LYRM4: variants seen among roughly 807,000 people sequenced by gnomAD.
The protein encoded by LYRM4 is LYR motif containing 4.
Under a neutral mutation model 11.7 loss-of-function variants are expected in LYRM4, and 9 were observed. That is an observed-to-expected ratio of 0.77 (90% CI 0.46 to 1.34). The LOEUF is 1.34. Ranked by LOEUF, LYRM4 falls within the 40% of genes most tolerant of loss-of-function variation. The pLI, the probability that LYRM4 is intolerant of heterozygous loss-of-function variation, is 0.00. For synonymous variants in LYRM4, 42 were observed against 40.4 expected, an observed-to-expected ratio of 1.04 and a Z score of -0.15; for missense variants, 133 against 112.5, an observed-to-expected ratio of 1.18 and a Z score of -0.82.
At chr6:5,217,529 A>T (rs2127725023) in intron 1 of LYRM4, among the ~76,000 whole-genome samples, 2 of 152,366 alleles carry the variant, frequency 1.3e-5, no homozygotes, top group Admixed American at 1.3e-4. Flanking sequence ...TCAAAAAGGC[A>T]TAATACTGCT....
chr6:5,196,609 C>T (rs915409302), intron 2 of LYRM4, among the ~76,000 whole-genome samples: 1 of 152,198 alleles, frequency 6.6e-6, no homozygotes, highest in South Asian at 2.1e-4. Flanking sequence ...GAGCTGGGCA[C>T]AGCACACCAC....
chr6:5,206,549 C>T (rs1024472641), intron 2 of LYRM4, among the ~76,000 whole-genome samples: 2 of 152,126 alleles, frequency 1.3e-5, no homozygotes, highest in Non-Finnish European at 2.9e-5. Flanking sequence ...TCTTGGAAAC[C>T]AATATGCTCA....
intron 1 of LYRM4, among the ~76,000 whole-genome samples, chr6:5,257,796 T>C (rs944524982): frequency 1.3e-5 from 2 of 152,182 alleles, no homozygotes; most frequent in African/African-American, 2.4e-5. Flanking sequence ...ATGGAAAAAC[T>C]GTCTTCCATG....
the LYRM4 span, chr6:5,085,654 A>G: frequency 1.3e-6 from 2 of 1,548,598 alleles, no homozygotes; most frequent in African/African-American, 1.4e-5. Flanking sequence ...GCTAGGGGAT[A>G]GGCCCCTGTC....
intron 2 of LYRM4, among the ~76,000 whole-genome samples, chr6:5,127,375 G>A (rs1408522273): frequency 1.3e-5 from 2 of 152,142 alleles, no homozygotes; most frequent in Admixed American, 6.5e-5. Context: ...ATAAGCCACC[G>A]TGCCCGGCTG....
intron 2 of LYRM4, among the ~76,000 whole-genome samples, chr6:5,150,794 C>T (rs918172041): frequency 6.6e-6 from 1 of 152,192 alleles, no homozygotes; most frequent in Non-Finnish European, 1.5e-5. Flanking sequence ...TCTCTTGCAG[C>T]TTAGAGTCAC....
chr6:5,057,056 A>AT, the LYRM4 span, among the ~76,000 whole-genome samples: 9 of 152,322 alleles, frequency 5.9e-5, no homozygotes, highest in Admixed American at 5.2e-4. Flanking sequence ...TATCTAGGAT[A>AT]TTTTTAAGTG....
chr6:5,125,356 G>A (rs756111193), intron 2 of LYRM4, among the ~76,000 whole-genome samples: 5 of 152,134 alleles, frequency 3.3e-5, no homozygotes, highest in Non-Finnish European at 4.4e-5. Flanking sequence ...TGGTTGCCTC[G>A]ACATGGAACC....
At chr6:5,073,437 A>T in the LYRM4 span, among the ~76,000 whole-genome samples, 5 of 150,330 alleles carry the variant, frequency 3.3e-5, no homozygotes, top group Non-Finnish European at 7.4e-5. Flanking sequence ...AGAGGACTGC[A>T]GGTGGGTCAC....
intron 2 of LYRM4, among the ~76,000 whole-genome samples, chr6:5,204,753 C>A (rs978431895): frequency 2.0e-5 from 3 of 152,228 alleles, no homozygotes; most frequent in Non-Finnish European, 4.4e-5. Context: ...TTCCCGGGTG[C>A]ATCCTCAACC....
the LYRM4 span, among the ~76,000 whole-genome samples, chr6:5,048,691 C>G: frequency 6.6e-6 from 1 of 152,182 alleles, no homozygotes; most frequent in East Asian, 1.9e-4. Context: ...CCTACTTCAC[C>G]TCATCACTTT....
chr6:5,206,192 T>C (rs993161941), intron 2 of LYRM4, among the ~76,000 whole-genome samples: 2 of 152,152 alleles, frequency 1.3e-5, no homozygotes, highest in Non-Finnish European at 2.9e-5. Flanking sequence ...TGGCAATCAT[T>C]AGCATTTATT....
intron 2 of LYRM4, chr6:5,144,003 T>C: frequency 9.6e-7 from 1 of 1,045,360 alleles, no homozygotes; most frequent in Non-Finnish European, 1.3e-6. Context: ...TGAGGTCTAA[T>C]TCCCAAGGCT....
In LYRM4 at chr6:5,113,270, T is replaced by C. The variant is rs367637443; in HGVS notation, c.208-3779A>G. On this transcript the variant is annotated intron_variant, in intron 2 of 2. Coordinates refer to ENST00000330636, the MANE Select transcript of LYRM4 (RefSeq NM_020408.6). The stretch of plus-strand genomic sequence containing the variant: ...CAACACGGTGAAACCCTGTCTCTAC[T>C]AAAAATATATAGGCCATGGTGGCAC... The C allele has an allele frequency of 1.6e-5, 7 of 431,090 alleles. No individual in the cohort carries two copies. In the East Asian group the frequency reaches 3.0e-4, roughly 19 times the overall value. The allele number at this position is 431,090 out of a possible 1,614,324, so 26.7% of individuals were successfully genotyped here.
the LYRM4 span, among the ~76,000 whole-genome samples, chr6:5,063,350 G>A: frequency 6.6e-6 from 1 of 151,846 alleles, no homozygotes; most frequent in South Asian, 2.1e-4. Flanking sequence ...GCTCTTCTGG[G>A]GAGATTGGAG....
intron 1 of LYRM4, among the ~76,000 whole-genome samples, chr6:5,242,849 C>T: frequency 6.7e-6 from 1 of 149,518 alleles, no homozygotes; most frequent in Non-Finnish European, 1.5e-5. Context: ...TCTCGGCTCA[C>T]TGCAAGCTCC....
chr6:5,230,807 G>A (rs1345660980), intron 1 of LYRM4, among the ~76,000 whole-genome samples: 4 of 152,118 alleles, frequency 2.6e-5, no homozygotes, highest in African/African-American at 9.7e-5. Flanking sequence ...CAACACATGA[G>A]CAAGGAAGGA....
In LYRM4 at chr6:5,191,438, T is replaced by C. The variant is rs185545818; in HGVS notation, c.207+25180A>G. On this transcript the variant is annotated intron_variant, in intron 2 of 2. Transcript: ENST00000330636. Reference sequence around the variant, plus strand: ...GAGCTACGCGCCATTCTGAGAAGTATATGACTCAAAGATAAGGCCTGAAAA... The same window carrying C: ...GAGCTACGCGCCATTCTGAGAAGTACATGACTCAAAGATAAGGCCTGAAAA... Among the ~76,000 whole-genome samples, 327 of 152,316 alleles carry C rather than the reference T, an allele frequency of 2.1e-3. 2 individuals are homozygous for C. Among genetic ancestry groups the C allele is most frequent in the African/African-American group, 6.9e-3 (286 of 41,562 alleles).
the LYRM4 span, among the ~76,000 whole-genome samples, chr6:5,071,598 GTGTA>G: frequency 1.4e-3 from 214 of 151,326 alleles, 1 homozygote; most frequent in African/African-American, 4.8e-3. Context: ...GTGTATGTGT[GTGTA>G]TGTATGTGTG....
Sources: allele counts gnomAD v4.1 joint callset (sites outside exome capture counted in the v4.1 genomes callset), GRCh38; gene constraint gnomAD v4.1.1; transcripts MANE v1.5; gene names NCBI Gene and HGNC (gene_info 2026-07-23, HGNC 2026-07-21).